Variants in VTI1A observed in about 807,000 individuals in gnomAD.
VTI1A encodes vesicle transport through interaction with t-SNAREs 1A.
In VTI1A, 22 loss-of-function variants were observed where a neutral mutation model predicts 34.9. The observed-to-expected ratio is 0.63, with a 90% CI of 0.45 to 0.90. The LOEUF (loss-of-function observed/expected upper bound fraction) is 0.90, where lower values mean the gene tolerates loss of function less well. Ranked by LOEUF, VTI1A falls within the 40% of genes least tolerant of loss-of-function variation. The probability of loss-of-function intolerance (pLI) is 0.00; values close to 1 mark genes in which losing one functional copy is unlikely to be tolerated. For synonymous variants in VTI1A, 87 were observed against 97.3 expected (o/e 0.89, Z 0.62); for missense variants, 268 against 275.6 (o/e 0.97, Z 0.20).
At chr10:112,635,025 G>T (rs1333975109) in intron 5 of VTI1A, among the ~76,000 whole-genome samples, 1 of 152,162 alleles carries the variant, frequency 6.6e-6, no homozygotes, top group East Asian at 1.9e-4. Context: ...CTAATTCTAG[G>T]AGTCTCCTAC....
At chr10:112,668,410 G>A in intron 6 of VTI1A, 122 bp downstream of exon 6, 2 of 1,063,570 alleles carry the variant, frequency 1.9e-6, no homozygotes, top group Non-Finnish European at 1.4e-6. Context: ...GAGGGTATAA[G>A]GTCTGTGGAA....
downstream of VTI1A, among the ~76,000 whole-genome samples, chr10:112,822,538 G>A (rs1853672303): frequency 6.6e-6 from 1 of 152,200 alleles, no homozygotes; most frequent in South Asian, 2.1e-4. Flanking sequence ...TTTGGGGAAG[G>A]ACCCAAAAGG....
intron 5 of VTI1A, among the ~76,000 whole-genome samples, chr10:112,640,875 G>A (rs1034543451): frequency 7.9e-5 from 12 of 152,136 alleles, no homozygotes; most frequent in Admixed American, 5.2e-4. Context: ...AGATCTTGGC[G>A]TCATTCATTG....
chr10:112,527,390 TTTC>T, intron 4 of VTI1A: 1 of 357,672 alleles, frequency 2.8e-6, no homozygotes, highest in Non-Finnish European at 5.0e-6. Flanking sequence ...AAAAAAATCT[TTTC>T]TTCTCTTTTC....
chr10:112,478,086 G>T (rs1469202051), intron 3 of VTI1A, among the ~76,000 whole-genome samples: 4 of 152,000 alleles, frequency 2.6e-5, no homozygotes, highest in Admixed American at 2.6e-4. Context: ...TATGATCCTG[G>T]GCTCCTAGTT....
chr10:112,539,014 C>G (rs959749820), intron 5 of VTI1A, among the ~76,000 whole-genome samples: 6 of 152,102 alleles, frequency 3.9e-5, no homozygotes, highest in Non-Finnish European at 5.9e-5. Flanking sequence ...AATGAACATG[C>G]TTTTTTGTTA....
At chr10:112,518,579 CTCTCTCTCTCTATA>C (rs1251016546) in intron 3 of VTI1A, among the ~76,000 whole-genome samples, 55 of 96,512 alleles carry the variant, frequency 5.7e-4, no homozygotes, top group South Asian at 6.8e-4. Flanking sequence ...CTCTCTCTCT[CTCTCTCTCTCTATA>C]TATATATATA....
intron 5 of VTI1A, among the ~76,000 whole-genome samples, chr10:112,547,867 T>C (rs970565563): frequency 1.2e-4 from 18 of 152,310 alleles, no homozygotes; most frequent in South Asian, 4.1e-4. Context: ...TCTTTCTTTA[T>C]CTAGTTCTTT....
At chr10:112,613,929 C>T (rs765181491) in intron 5 of VTI1A, among the ~76,000 whole-genome samples, 2 of 152,196 alleles carry the variant, frequency 1.3e-5, no homozygotes, top group Non-Finnish European at 2.9e-5. Context: ...ACATCAGCCT[C>T]CTGTTAACCA....
At chr10:112,469,799 G>A (rs1564789633) in intron 3 of VTI1A, among the ~76,000 whole-genome samples, 1 of 152,162 alleles carries the variant, frequency 6.6e-6, no homozygotes, top group Non-Finnish European at 1.5e-5. Context: ...TTCATTTTCA[G>A]CCAAAGACTT....
rs557805455 is a variant in VTI1A at position 112,809,013 on chromosome 10, C to T, written c.561-6277C>T. On this transcript the variant is annotated intron_variant, in intron 7 of 7. Coordinates refer to ENST00000393077, the MANE Select transcript of VTI1A (RefSeq NM_145206.4). ...ACCAATCCTTGAGCAAATGGTAGTG[C>T]AAGAGCTAGAGAGCTGTCATTGGCT... Among the ~76,000 whole-genome samples, 3 of 152,268 alleles carry T rather than the reference C, an allele frequency of 2.0e-5. No homozygotes were observed. The South Asian group carries it at 6.2e-4, about 32-fold the overall frequency.
At chr10:112,834,224 C>T in the VTI1A span, among the ~76,000 whole-genome samples, 3 of 152,166 alleles carry the variant, frequency 2.0e-5, no homozygotes, top group Admixed American at 6.5e-5. Context: ...TCGACCAGCC[C>T]ACACCCCCGC....
chr10:112,769,146 G>A (rs572734079), intron 7 of VTI1A, among the ~76,000 whole-genome samples: 6 of 152,284 alleles, frequency 3.9e-5, no homozygotes, highest in Admixed American at 1.3e-4. Flanking sequence ...GTGTGAAATA[G>A]GGAGAGCTAA....
rs543097304 is a variant in VTI1A, at chr10:112,557,797, T to C, written c.427+19467T>C. On this transcript the variant is annotated intron_variant, in intron 5 of 7. Coordinates refer to ENST00000393077, the MANE Select transcript of VTI1A (RefSeq NM_145206.4). ...TGAAAGGTGGGATCAAAATGCCCAC[T>C]GTGTATTTTACTCTCACCCTGGCAT... Among the ~76,000 whole-genome samples the C allele has an allele frequency of 7.2e-5, 11 of 152,312 alleles. No individual in the cohort carries two copies. In the South Asian group the frequency reaches 2.3e-3, roughly 32 times the overall value.
At chr10:112,790,621 A>T (rs1852430184) in intron 7 of VTI1A, among the ~76,000 whole-genome samples, 1 of 152,044 alleles carries the variant, frequency 6.6e-6, no homozygotes, top group Non-Finnish European at 1.5e-5. Context: ...TGGCAGCCCC[A>T]CCCTGGTAAA....
the VTI1A span, among the ~76,000 whole-genome samples, chr10:112,847,213 T>A: frequency 6.6e-6 from 1 of 152,200 alleles, no homozygotes; most frequent in Non-Finnish European, 1.5e-5. Flanking sequence ...GGGTCTCTCC[T>A]CCCTCAGTAA....
intron 7 of VTI1A, among the ~76,000 whole-genome samples, chr10:112,785,451 CTA>C (rs1852255504): frequency 2.0e-5 from 3 of 152,186 alleles, no homozygotes; most frequent in Admixed American, 2.0e-4. Context: ...TTTCCCCACT[CTA>C]TGGCTTGTCT....
chr10:112,455,923 C>T (rs557110129), intron 1 of VTI1A, among the ~76,000 whole-genome samples: 2 of 151,752 alleles, frequency 1.3e-5, no homozygotes, highest in African/African-American at 2.4e-5. Context: ...GAAGATTTGC[C>T]CCAGTCCTCA....
At chr10:112,638,978 G>A (rs761069271) in intron 5 of VTI1A, among the ~76,000 whole-genome samples, 15 of 151,884 alleles carry the variant, frequency 9.9e-5, no homozygotes, top group Non-Finnish European at 1.6e-4. Context: ...CTACAAAATG[G>A]GAGAACAGAG....
Sources: gnomAD v4.1 joint callset for allele counts (sites outside exome capture counted in the v4.1 genomes callset) on GRCh38, gnomAD v4.1.1 for gene constraint, MANE v1.5 for transcripts, NCBI Gene and HGNC (gene_info 2026-07-23, HGNC 2026-07-21) for gene names.